The following TASP1 variants were observed in gnomAD, a reference collection of about 807,000 sequenced individuals.
TASP1 encodes the protein threonine aspartase 1.
In TASP1, 16 loss-of-function variants were observed where a neutral mutation model predicts 56.6. That is an observed-to-expected ratio of 0.28 (90% CI 0.19 to 0.43). The LOEUF is 0.43. TASP1 is among the 20% of genes least tolerant of loss of function. The pLI is 1.00. For missense variants in TASP1, 393 were observed against 511.6 expected, an observed-to-expected ratio of 0.77 and a Z score of 2.24; for synonymous variants, 179 against 184.2, an observed-to-expected ratio of 0.97 and a Z score of 0.23.
the TASP1 span, among the ~76,000 whole-genome samples, chr20:13,191,682 A>G: frequency 6.6e-6 from 1 of 152,210 alleles, no homozygotes; most frequent in Non-Finnish European, 1.5e-5. Flanking sequence ...TAGTGCAATT[A>G]GGTGACTACA....
chr20:13,108,605 C>T, the TASP1 span, among the ~76,000 whole-genome samples: 4 of 152,106 alleles, frequency 2.6e-5, no homozygotes, highest in African/African-American at 9.7e-5. Context: ...GACAGAGTCT[C>T]GTTCTGTCAC....
the TASP1 span, among the ~76,000 whole-genome samples, chr20:13,157,159 C>T: frequency 3.4e-3 from 518 of 151,804 alleles, 3 homozygotes; most frequent in Non-Finnish European, 5.7e-3. Flanking sequence ...TTTCTAAAGC[C>T]GGGTACGGTA....
chr20:13,311,235 TAGA>T, the TASP1 span, among the ~76,000 whole-genome samples: 1 of 110,046 alleles, frequency 9.1e-6, no homozygotes, highest in Non-Finnish European at 2.0e-5. Flanking sequence ...GATAGATAGA[TAGA>T]TAGATGATAG....
chr20:13,275,954 G>A, the TASP1 span, among the ~76,000 whole-genome samples: 4 of 152,318 alleles, frequency 2.6e-5, no homozygotes, highest in Middle Eastern at 3.4e-3. Context: ...TGCCTAGATT[G>A]GCGTGCTGCA....
intron 10 of TASP1, among the ~76,000 whole-genome samples, chr20:13,502,500 T>A (rs1412705428): frequency 6.6e-6 from 1 of 152,084 alleles, no homozygotes; most frequent in Non-Finnish European, 1.5e-5. Flanking sequence ...TATAGGTCAA[T>A]AAAAACCATA....
At chr20:13,543,996 C>G (rs1416085615) in intron 8 of TASP1, among the ~76,000 whole-genome samples, 1 of 152,144 alleles carries the variant, frequency 6.6e-6, no homozygotes, top group African/African-American at 2.4e-5. Context: ...TAACAACTGC[C>G]GTGAAATATT....
At chr20:13,334,647 G>A in the TASP1 span, among the ~76,000 whole-genome samples, 5 of 152,118 alleles carry the variant, frequency 3.3e-5, no homozygotes, top group South Asian at 2.1e-4. Context: ...TATTTTTCTA[G>A]ACTGCTTACT....
intron 11 of TASP1, among the ~76,000 whole-genome samples, chr20:13,456,990 A>G (rs1294421657): frequency 6.6e-6 from 1 of 152,066 alleles, no homozygotes; most frequent in African/African-American, 2.4e-5. Flanking sequence ...ATGAAGCTGG[A>G]AACCATCATT....
At position 13,390,201 on chromosome 20, in the gene TASP1, C is replaced by G; in HGVS notation, c.*159G>C. On this transcript the variant is annotated 3_prime_UTR_variant, in exon 14 of 14. Transcript: ENST00000337743. ...TCACCCACCAAAGGCCCGCGTGTCA[C>G]TAAGCGCTAACTACAGCAGCACTTG... The G allele has an allele frequency of 1.6e-6, 1 of 635,884 alleles. No individual in the cohort carries two copies. The highest frequency in any genetic ancestry group is 2.7e-5 in the Admixed American group (1 of 36,488). 39.4% of individuals were successfully genotyped at this position (635,884 alleles called of 1,614,324 possible).
chr20:13,362,155 G>A, the TASP1 span, among the ~76,000 whole-genome samples: 29,098 of 142,184 alleles, frequency 0.2, 3,286 homozygotes, highest in African/African-American at 0.33. Flanking sequence ...TTCTCTCTCC[G>A]CACCACCCCC....
the TASP1 span, among the ~76,000 whole-genome samples, chr20:13,379,642 T>C: frequency 6.6e-6 from 1 of 152,200 alleles, no homozygotes; most frequent in East Asian, 1.9e-4. Flanking sequence ...GTTGGGGAAG[T>C]TCTCCTGGAT....
chr20:13,313,523 A>G, the TASP1 span, among the ~76,000 whole-genome samples: 356 of 152,198 alleles, frequency 2.3e-3, 1 homozygote, highest in Middle Eastern at 0.017. Context: ...CTTCCACCAC[A>G]CAGCAGGGCT....
intron 13 of TASP1, among the ~76,000 whole-genome samples, chr20:13,399,949 C>T (rs1158581109): frequency 6.6e-6 from 1 of 152,192 alleles, no homozygotes; most frequent in Non-Finnish European, 1.5e-5. Context: ...TTCCCTATGC[C>T]TGGAATGTTC....
At chr20:13,160,196 T>C in the TASP1 span, 46 of 1,521,126 alleles carry the variant, frequency 3.0e-5, no homozygotes, top group Non-Finnish European at 4.0e-5. Context: ...CAAGTCCTTT[T>C]GTTGAGACAG....
the TASP1 span, among the ~76,000 whole-genome samples, chr20:13,346,416 G>A: frequency 1.3e-5 from 2 of 152,152 alleles, no homozygotes; most frequent in Non-Finnish European, 2.9e-5. Flanking sequence ...TGGGAACCTT[G>A]GGAATCAGCT....
At chr20:13,441,597 T>C (rs79705700) in intron 11 of TASP1, among the ~76,000 whole-genome samples, 5,657 of 152,150 alleles carry the variant, frequency 0.037, 129 homozygotes, top group African/African-American at 0.058. Flanking sequence ...GAAGAGAGGA[T>C]AGAACATGCT....
intron 5 of TASP1, among the ~76,000 whole-genome samples, chr20:13,583,750 C>T (rs1411146330): frequency 6.6e-6 from 1 of 152,130 alleles, no homozygotes; most frequent in African/African-American, 2.4e-5. Context: ...AAGCATAGGC[C>T]TCATAAGGGT....
chr20:13,413,590 G>A (rs868031738), intron 13 of TASP1, among the ~76,000 whole-genome samples: 2 of 152,212 alleles, frequency 1.3e-5, no homozygotes, highest in East Asian at 1.9e-4. Flanking sequence ...TAGTTTGGGG[G>A]AATGTAATCA....
chr20:13,300,853 C>T, the TASP1 span, among the ~76,000 whole-genome samples: 3 of 152,108 alleles, frequency 2.0e-5, no homozygotes, highest in Non-Finnish European at 2.9e-5. Context: ...GGCCCATTGA[C>T]ACATGTGTGA....
Sources: gnomAD v4.1 joint callset for allele counts (sites outside exome capture counted in the v4.1 genomes callset) on GRCh38, gnomAD v4.1.1 for gene constraint, MANE v1.5 for transcripts, NCBI Gene and HGNC (gene_info 2026-07-23, HGNC 2026-07-21) for gene names.